DCC: variants seen among roughly 807,000 people sequenced by gnomAD.
The protein encoded by DCC is DCC netrin 1 receptor.
Under a neutral mutation model 172.5 loss-of-function variants are expected in DCC, and 58 were observed. The observed-to-expected ratio is 0.34, with a 90% CI of 0.27 to 0.42. The LOEUF is 0.42. Among genes scored for constraint, DCC ranks in the 10% least tolerant of loss-of-function variants. The probability of loss-of-function intolerance (pLI) is 1.00; values close to 1 mark genes in which losing one functional copy is unlikely to be tolerated. For synonymous variants in DCC, 709 were observed against 644.5 expected (o/e 1.10, Z -1.52); for missense variants, 1,740 against 1,791.0 (o/e 0.97, Z 0.51).
At chr18:52,815,984 C>T (rs1020814611) in intron 2 of DCC, among the ~76,000 whole-genome samples, 2 of 152,114 alleles carry the variant, frequency 1.3e-5, no homozygotes, top group African/African-American at 4.8e-5. Context: ...AGAGATAAAC[C>T]AACCAATTAG....
chr18:52,966,012 A>G (rs908358049), intron 5 of DCC, among the ~76,000 whole-genome samples: 2 of 152,208 alleles, frequency 1.3e-5, no homozygotes, highest in African/African-American at 2.4e-5. Flanking sequence ...ATAAAGGAAT[A>G]TCATGCTTGT....
chr18:53,184,217 C>T (rs896132560), intron 9 of DCC, among the ~76,000 whole-genome samples: 3 of 152,046 alleles, frequency 2.0e-5, no homozygotes, highest in Admixed American at 1.3e-4. Flanking sequence ...TAATTAACCT[C>T]TCCTTAGCAT....
chr18:53,513,443 G>T lies in DCC; in HGVS notation c.4112-13174G>T, dbSNP rs1024625479. Among the ~76,000 whole-genome samples the T allele has an allele frequency of 2.0e-5, 3 of 152,156 alleles. No individual in the cohort carries two copies. In the South Asian group the frequency reaches 6.2e-4, roughly 32 times the overall value. ...TCACCAGCTAACATCATAATGACAG[G>T]ATCAAATTCACACATAACAATATTA... On this transcript the variant is annotated intron_variant, in intron 27 of 28. Transcript: ENST00000442544.
chr18:52,593,895 C>T (rs2033854621), intron 1 of DCC, among the ~76,000 whole-genome samples: 2 of 152,206 alleles, frequency 1.3e-5, no homozygotes, highest in Non-Finnish European at 1.5e-5. Flanking sequence ...ATTCATTCCT[C>T]CAATCTGGAT....
At chr18:53,410,145 A>G (rs903657378) in intron 19 of DCC, among the ~76,000 whole-genome samples, 1 of 152,208 alleles carries the variant, frequency 6.6e-6, no homozygotes, top group Non-Finnish European at 1.5e-5. Context: ...TACATTTTTC[A>G]TCATGCTTTC....
At chr18:52,999,729 A>C (rs1011360317) in intron 5 of DCC, among the ~76,000 whole-genome samples, 30 of 152,042 alleles carry the variant, frequency 2.0e-4, no homozygotes, top group African/African-American at 7.0e-4. Context: ...ACACTGGACC[A>C]ATTATTATCA....
At chr18:52,749,461 A>G (rs2036962351) in intron 1 of DCC, among the ~76,000 whole-genome samples, 1 of 152,226 alleles carries the variant, frequency 6.6e-6, no homozygotes, top group South Asian at 2.1e-4. Context: ...ACTATTTCTC[A>G]ATTAACTTGA....
At chr18:53,121,949 A>G (rs1003936438) in intron 7 of DCC, among the ~76,000 whole-genome samples, 1 of 151,934 alleles carries the variant, frequency 6.6e-6, no homozygotes, top group African/African-American at 2.4e-5. Flanking sequence ...TCAGTGATAA[A>G]TACCCTGAGG....
chr18:52,421,301 G>T lies in DCC; in HGVS notation c.91+80423G>T, dbSNP rs538984458. ...CTGATGCGCAATCAAGATATGAAGG[G>T]CTGATGGTGGGTGGCTGCCATTAGA... On this transcript the variant is annotated intron_variant, in intron 1 of 28. Coordinates refer to ENST00000442544, the MANE Select transcript of DCC (RefSeq NM_005215.4). Among the ~76,000 whole-genome samples the T allele has an allele frequency of 3.5e-4, 53 of 152,254 alleles. No homozygotes were observed. The South Asian group carries it at 0.011, about 32-fold the overall frequency.
intron 1 of DCC, among the ~76,000 whole-genome samples, chr18:52,444,017 G>A (rs542197535): frequency 1.3e-5 from 2 of 152,268 alleles, no homozygotes; most frequent in African/African-American, 4.8e-5. Context: ...GAGAGGAAAA[G>A]GAAAGTATTA....
At chr18:52,711,613 T>C (rs1372514670) in intron 1 of DCC, among the ~76,000 whole-genome samples, 1 of 152,204 alleles carries the variant, frequency 6.6e-6, no homozygotes, top group African/African-American at 2.4e-5. Flanking sequence ...GACTTAGATG[T>C]TGGGGAAGGA....
intron 1 of DCC, among the ~76,000 whole-genome samples, chr18:52,533,601 T>C (rs919248298): frequency 1.3e-5 from 2 of 152,146 alleles, no homozygotes; most frequent in Non-Finnish European, 2.9e-5. Flanking sequence ...TAAGTAACAG[T>C]CTGTGACAAA....
chr18:53,182,605 A>T (rs1355280980), intron 9 of DCC, among the ~76,000 whole-genome samples: 1 of 152,176 alleles, frequency 6.6e-6, no homozygotes, highest in Non-Finnish European at 1.5e-5. Context: ...TAAATAAATT[A>T]TATTATCATG....
At position 52,829,911 on chromosome 18, in the gene DCC, A is replaced by G. The variant is rs537327224; in HGVS notation, c.413-76133A>G. Among the ~76,000 whole-genome samples the G allele has an allele frequency of 2.0e-5, 3 of 152,302 alleles. No individual in the cohort carries two copies. The South Asian group carries it at 6.2e-4, about 32-fold the overall frequency. ...AATGAGTGGGAGGGATCTGCAAAAGAAAATTTCACTTTAAATATTGTGGTC... is the reference window on the plus strand; with the variant it reads ...AATGAGTGGGAGGGATCTGCAAAAGGAAATTTCACTTTAAATATTGTGGTC... On this transcript the variant is annotated intron_variant, in intron 2 of 28. Coordinates refer to ENST00000442544, the MANE Select transcript of DCC (RefSeq NM_005215.4).
chr18:53,251,587 A>G (rs925021458), intron 12 of DCC, among the ~76,000 whole-genome samples: 3 of 151,970 alleles, frequency 2.0e-5, no homozygotes, highest in African/African-American at 4.8e-5. Flanking sequence ...TTCATTTAGA[A>G]TAAGTATGGA....
chr18:53,339,659 G>T lies in DCC; in HGVS notation c.2165-54G>T. 1.1e-5 allele frequency: 15 copies of T among 1,363,546 alleles called. No individual in the cohort carries two copies. In the South Asian group the frequency reaches 1.5e-4, roughly 14 times the overall value. The allele number at this position is 1,363,546 out of a possible 1,614,324, so 84.5% of individuals were successfully genotyped here. On this transcript the variant is annotated intron_variant, in intron 14 of 28. Transcript: ENST00000442544. Reference sequence around the variant, plus strand: ...TCTCTTGCTTAAATGGTGTTCTGCCGTGCTACATTTTCTGTTATGAGACAT... The same window carrying T: ...TCTCTTGCTTAAATGGTGTTCTGCCTTGCTACATTTTCTGTTATGAGACAT...
At chr18:53,434,268 C>T (rs1911804800) in intron 21 of DCC, among the ~76,000 whole-genome samples, 1 of 152,070 alleles carries the variant, frequency 6.6e-6, no homozygotes, top group South Asian at 2.1e-4. Context: ...AGAAAATTAC[C>T]TATACTCTGG....
intron 12 of DCC, among the ~76,000 whole-genome samples, chr18:53,247,778 T>G (rs2056382664): frequency 2.0e-5 from 3 of 152,048 alleles, no homozygotes; most frequent in Admixed American, 2.0e-4. Context: ...TCTATTTGGT[T>G]TGGTTACCCT....
At chr18:52,511,726 C>T (rs1340007222) in intron 1 of DCC, among the ~76,000 whole-genome samples, 3 of 152,206 alleles carry the variant, frequency 2.0e-5, no homozygotes, top group Admixed American at 2.0e-4. Context: ...AATCTCACAA[C>T]ATTTTAATCC....
Sources: allele counts gnomAD v4.1 joint callset (sites outside exome capture counted in the v4.1 genomes callset), GRCh38; gene constraint gnomAD v4.1.1; transcripts MANE v1.5; gene names NCBI Gene and HGNC (gene_info 2026-07-23, HGNC 2026-07-21).